The following EPAS1 variants were observed in gnomAD, a reference collection of about 807,000 sequenced individuals.
The protein encoded by EPAS1 is endothelial PAS domain protein 1.
EPAS1 carries 23 observed loss-of-function variants against 87.9 expected under a neutral mutation model. That is an observed-to-expected ratio of 0.26 (90% CI 0.19 to 0.37). The LOEUF is 0.37. Among genes scored for constraint, EPAS1 ranks in the 10% least tolerant of loss-of-function variants. EPAS1 has a pLI of 1.00. For missense variants in EPAS1, 1,138 were observed against 1,120.7 expected, an observed-to-expected ratio of 1.02 and a Z score of -0.22; for synonymous variants, 508 against 444.3, an observed-to-expected ratio of 1.14 and a Z score of -1.80.
intron 1 of EPAS1, among the ~76,000 whole-genome samples, chr2:46,303,170 C>T (rs572677938): frequency 2.0e-5 from 3 of 152,160 alleles, no homozygotes; most frequent in Admixed American, 2.0e-4. Flanking sequence ...CTCTGAGTAG[C>T]ATTTCAGGTA....
At position 46,382,070 on chromosome 2, in the gene EPAS1, G is replaced by C; in HGVS notation, c.2268G>C (p.Leu756=). 1.9e-6 allele frequency: 3 copies of C among 1,614,022 alleles called. No homozygotes were observed. The highest frequency in any genetic ancestry group is 2.5e-6 in the Non-Finnish European group (3 of 1,180,010). The part of the protein sequence containing the change: ...GSCPLMPDKP[L]SANVPNDKFT... ...GCCCTTTGATGCCGGACAAGCCACTGAGCGCAAATGTACCCAATGGTGAGC... is the reference window on the plus strand; with the variant it reads ...GCCCTTTGATGCCGGACAAGCCACTCAGCGCAAATGTACCCAATGGTGAGC... Residue 756 remains leucine (L), a synonymous_variant, in exon 14 of 16, where the codon CTG becomes CTC. Coordinates refer to ENST00000263734, the MANE Select transcript of EPAS1 (RefSeq NM_001430.5).
At position 46,353,085 on chromosome 2, in the gene EPAS1, A is replaced by T. The variant is rs115560033; in HGVS notation, c.218-3066A>T. ...CTGAGATCAAAGAAATTGAAGAGAA[A>T]ATATCTTCTCGGTTGGCTAGAAACC... On this transcript the variant is annotated intron_variant, in intron 2 of 15. Coordinates refer to ENST00000263734, the MANE Select transcript of EPAS1 (RefSeq NM_001430.5). Among the ~76,000 whole-genome samples the T allele has an allele frequency of 3.8e-3, 585 of 152,326 alleles. 3 individuals are homozygous for T. Among genetic ancestry groups the T allele is most frequent in the African/African-American group, 0.014 (567 of 41,570 alleles).
At chr2:46,341,946 C>G (rs1260474987) in intron 1 of EPAS1, among the ~76,000 whole-genome samples, 2 of 152,156 alleles carry the variant, frequency 1.3e-5, no homozygotes, top group Non-Finnish European at 2.9e-5. Context: ...TTTGCATCTC[C>G]AAAAACATTT....
In EPAS1 at chr2:46,386,671, G is replaced by GTATC. The variant is rs1685033866; in HGVS notation, c.*2013_*2016dup. On this transcript the variant is annotated 3_prime_UTR_variant, in exon 16 of 16. Coordinates refer to ENST00000263734, the MANE Select transcript of EPAS1 (RefSeq NM_001430.5). ...TATAAGGAAATGTATTTTGACACTG[G>GTATC]TATCTTATTAAAGTATTCTGATCCT... The GTATC allele has an allele frequency of 6.6e-6, 1 of 152,574 alleles. No homozygotes were observed. The highest frequency in any genetic ancestry group is 2.4e-5 in the African/African-American group (1 of 41,402). The allele number at this position is 152,574 out of a possible 1,614,324, so 9.5% of individuals were successfully genotyped here.
chr2:46,342,565 A>G (rs1683932977), intron 1 of EPAS1, among the ~76,000 whole-genome samples: 1 of 152,128 alleles, frequency 6.6e-6, no homozygotes, highest in African/African-American at 2.4e-5. Flanking sequence ...TGTGAGTCCT[A>G]ATCACTCTAA....
chr2:46,372,502 G>C (rs1423067038), intron 7 of EPAS1, among the ~76,000 whole-genome samples: 4 of 152,178 alleles, frequency 2.6e-5, no homozygotes, highest in African/African-American at 9.7e-5. Flanking sequence ...ACTAGATTTA[G>C]ATCATTGAAA....
intron 10 of EPAS1, 72 bp from the exon 11 acceptor site, chr2:46,378,585 T>G: frequency 1.5e-6 from 2 of 1,307,954 alleles, no homozygotes; most frequent in Non-Finnish European, 2.2e-6. Flanking sequence ...AGGTATTTCT[T>G]CTTCCATGCT....
chr2:46,344,529 C>T (rs1683979116), intron 1 of EPAS1, among the ~76,000 whole-genome samples: 1 of 152,200 alleles, frequency 6.6e-6, no homozygotes, highest in Non-Finnish European at 1.5e-5. Flanking sequence ...TGCCCTCTTC[C>T]CATCTTCCTT....
intron 1 of EPAS1, among the ~76,000 whole-genome samples, chr2:46,327,074 G>A (rs1055358307): frequency 6.6e-6 from 1 of 152,198 alleles, no homozygotes; most frequent in African/African-American, 2.4e-5. Context: ...GGACCAGCAG[G>A]GGCCGTGCTG....
chr2:46,356,853 G>A (rs766676935), intron 4 of EPAS1, 45 bp downstream of exon 4: 13 of 1,378,494 alleles, frequency 9.4e-6, no homozygotes, highest in Middle Eastern at 1.8e-4. Context: ...CACTGGGTGG[G>A]AATCTGCCTC....
intron 6 of EPAS1, among the ~76,000 whole-genome samples, chr2:46,363,011 G>A (rs1435538131): frequency 0.014 from 1,568 of 114,686 alleles, 20 homozygotes; most frequent in Middle Eastern, 0.052. Flanking sequence ...GGTGGTGGTG[G>A]TGGTGGTGAT....
intron 13 of EPAS1, 31 bp downstream of exon 13, chr2:46,381,753 C>G (rs747451305): frequency 1.9e-6 from 3 of 1,613,378 alleles, no homozygotes; most frequent in Non-Finnish European, 2.5e-6. Context: ...ACAGGGGCCT[C>G]TCCATAGCCC....
At chr2:46,365,039 G>T (rs76132688) in intron 6 of EPAS1, among the ~76,000 whole-genome samples, 1 of 152,174 alleles carries the variant, frequency 6.6e-6, no homozygotes, top group Non-Finnish European at 1.5e-5. Flanking sequence ...TTTAAAATAG[G>T]GTGGTTCTTA....
intron 3 of EPAS1, 37 bp downstream of exon 3, chr2:46,356,339 G>T (rs1274971102): frequency 6.2e-7 from 1 of 1,613,536 alleles, no homozygotes; most frequent in Non-Finnish European, 8.5e-7. Flanking sequence ...AAGAAGAAAT[G>T]TTTCCATTTG....
chr2:46,304,320 G>T (rs111696276), intron 1 of EPAS1, among the ~76,000 whole-genome samples: 1,697 of 152,216 alleles, frequency 0.011, 34 homozygotes, highest in African/African-American at 0.038. Context: ...ACTGCCCAAG[G>T]TCGTATAGGT....
chr2:46,333,530 A>G (rs1378591510), intron 1 of EPAS1, among the ~76,000 whole-genome samples: 1 of 152,098 alleles, frequency 6.6e-6, no homozygotes, highest in African/African-American at 2.4e-5. Flanking sequence ...TCAGAAAGGA[A>G]GAAGCACTTC....
At position 46,380,470 on chromosome 2, in the gene EPAS1, G is replaced by C. The variant is rs201270032; in HGVS notation, c.1798G>C (p.Glu600Gln). 6.2e-7 allele frequency: 1 copy of C among 1,614,122 alleles called. No homozygotes were observed. Among genetic ancestry groups the C allele is most frequent in the Non-Finnish European group, 8.5e-7 (1 of 1,180,026 alleles). The change falls in exon 12 of 16, where the codon GAG becomes CAG. Residue 600 changes from glutamate to glutamine, a missense_variant. Physicochemically the swap from Glu to Gln is conservative, Grantham distance 29. Coordinates refer to ENST00000263734, the MANE Select transcript of EPAS1 (RefSeq NM_001430.5). The surrounding 1 kb of genome is among the most constrained non-coding windows in gnomAD (Gnocchi z 4.4). ...GCTGGAGAGCAAGAAGACAGAGCCCGAGCACCGGCCCATGTCCTCCATCTT... is the reference window on the plus strand; with the variant it reads ...GCTGGAGAGCAAGAAGACAGAGCCCCAGCACCGGCCCATGTCCTCCATCTT... ...QQLESKKTEP[E>Q]HRPMSSIFFD...
Position 46,384,774 on chromosome 2 carries a change from G to C in EPAS1, c.*114G>C. ...ACGCCAGCACACTATTTACAAGATG[G>C]ACTTACCTGGCAGACTTGCCCAGGT... is the stretch of plus-strand genomic sequence containing the variant. On this transcript the variant is annotated 3_prime_UTR_variant, in exon 16 of 16. Coordinates refer to ENST00000263734, the MANE Select transcript of EPAS1 (RefSeq NM_001430.5). 1 of 1,411,284 alleles carries C rather than the reference G, an allele frequency of 7.1e-7. No individual in the cohort carries two copies. Among genetic ancestry groups the C allele is most frequent in the Non-Finnish European group, 9.7e-7 (1 of 1,035,484 alleles). 87.4% of individuals were successfully genotyped at this position (1,411,284 alleles called of 1,614,324 possible).
At chr2:46,337,710 A>G (rs1453084466) in intron 1 of EPAS1, among the ~76,000 whole-genome samples, 1 of 152,162 alleles carries the variant, frequency 6.6e-6, no homozygotes, top group East Asian at 1.9e-4. Context: ...TAGAAGCCCT[A>G]AGGAAAAAAA....
Sources: allele counts gnomAD v4.1 joint callset (sites outside exome capture counted in the v4.1 genomes callset), GRCh38; gene constraint gnomAD v4.1.1; non-coding constraint Gnocchi (gnomAD v3.1); transcripts MANE v1.5; gene names NCBI Gene and HGNC (gene_info 2026-07-23, HGNC 2026-07-21).